RAB22A: variants seen among roughly 807,000 people sequenced by gnomAD.
RAB22A encodes RAB22A, member RAS oncogene family, also known as ras-related protein Rab-22A.
Under a neutral mutation model 30.2 loss-of-function variants are expected in RAB22A, and 13 were observed. That is an observed-to-expected ratio of 0.43 (90% CI 0.28 to 0.68). RAB22A has a LOEUF of 0.68. Among genes scored for constraint, RAB22A ranks in the 30% least tolerant of loss-of-function variants. RAB22A has a pLI of 0.18. For missense variants in RAB22A, 177 were observed against 246.8 expected (o/e 0.72, Z 1.89); for synonymous variants, 89 against 87.2 (o/e 1.02, Z -0.11).
At chr20:58,334,295 A>T (rs1341023444) in intron 2 of RAB22A, among the ~76,000 whole-genome samples, 2 of 151,950 alleles carry the variant, frequency 1.3e-5, no homozygotes, top group African/African-American at 2.4e-5. Flanking sequence ...AGGTGGCACC[A>T]CTGTACTGCA....
In RAB22A at chr20:58,311,065, G is replaced by A; in HGVS notation, c.59G>A (p.Ser20Asn). Residue 20 changes from serine to asparagine, a missense_variant, in exon 2 of 7, where the codon AGT becomes AAT. Transcript: ENST00000244040. ...CAGGATACAGGTGTAGGTAAATCGA[G>A]TATTGTGTGGCGGTTTGTGGAAGAC... ...LLGDTGVGKS[S>N]IVWRFVEDSF... 3.7e-6 allele frequency: 6 copies of A among 1,606,350 alleles called. No individual in the cohort carries two copies. The highest frequency in any genetic ancestry group is 5.1e-6 in the Non-Finnish European group (6 of 1,172,882).
intron 6 of RAB22A, among the ~76,000 whole-genome samples, 181 bp from the exon 7 acceptor site, chr20:58,359,425 A>C (rs1987186627): frequency 6.6e-6 from 1 of 152,106 alleles, no homozygotes; most frequent in African/African-American, 2.4e-5. Context: ...TGGGAGGTAC[A>C]CAGGAGCTCT....
intron 2 of RAB22A, among the ~76,000 whole-genome samples, chr20:58,336,777 A>G (rs561550887): frequency 2.0e-5 from 3 of 152,306 alleles, no homozygotes; most frequent in African/African-American, 7.2e-5. Context: ...TCTGGCCTCC[A>G]GGAGATTCTG....
chr20:58,328,734 A>G lies in RAB22A; in HGVS notation c.117-14984A>G, dbSNP rs780902713. Among the ~76,000 whole-genome samples, 11 of 152,090 alleles carry G rather than the reference A, an allele frequency of 7.2e-5. No individual in the cohort carries two copies. In the South Asian group the frequency reaches 1.5e-3, roughly 20 times the overall value. ...CCTTACTTTAGTCAGGCTTTGATAC[A>G]CTGCTCTGGGCACCATGGCTCCCTT... is the stretch of plus-strand genomic sequence containing the variant. On this transcript the variant is annotated intron_variant, in intron 2 of 6. Coordinates refer to ENST00000244040, the MANE Select transcript of RAB22A (RefSeq NM_020673.3).
At chr20:58,353,687 TAA>T (rs1265740187) in intron 5 of RAB22A, 149 bp downstream of exon 5, 2 of 712,782 alleles carry the variant, frequency 2.8e-6, no homozygotes, top group Admixed American at 6.0e-5. Flanking sequence ...ATTTTTAAAC[TAA>T]AATTAAGATT....
At chr20:58,355,413 A>AT (rs945342353) in intron 6 of RAB22A, among the ~76,000 whole-genome samples, 4 of 152,054 alleles carry the variant, frequency 2.6e-5, no homozygotes, top group African/African-American at 9.7e-5. Context: ...TTGGCCAATC[A>AT]TTTAAGTATT....
chr20:58,329,917 G>T (rs1986634402), intron 2 of RAB22A, among the ~76,000 whole-genome samples: 1 of 152,138 alleles, frequency 6.6e-6, no homozygotes, highest in Non-Finnish European at 1.5e-5. Flanking sequence ...ACATCCAGGG[G>T]TTCCACCAAC....
intron 6 of RAB22A, among the ~76,000 whole-genome samples, chr20:58,354,855 T>C (rs1263528476): frequency 1.3e-5 from 2 of 152,206 alleles, no homozygotes; most frequent in African/African-American, 4.8e-5. Context: ...GTGAAGAAGA[T>C]AGACGCAGCC....
rs768792450 is a variant in RAB22A, at chr20:58,360,022, A to C, written c.*319A>C. On this transcript the variant is annotated 3_prime_UTR_variant, in exon 7 of 7. Coordinates refer to ENST00000244040, the MANE Select transcript of RAB22A (RefSeq NM_020673.3). Reference sequence around the variant, plus strand: ...TAGTTTTGTAATCAAGATTTTATGTAACATTTGTAAAGGGAAAATTAGCAC... The same window carrying C: ...TAGTTTTGTAATCAAGATTTTATGTCACATTTGTAAAGGGAAAATTAGCAC... 2.3e-4 allele frequency: 37 copies of C among 163,402 alleles called. No homozygotes were observed. Among genetic ancestry groups the C allele is most frequent in the Non-Finnish European group, 2.0e-4 (15 of 74,964 alleles). 10.1% of individuals were successfully genotyped at this position (163,402 alleles called of 1,614,324 possible).
At chr20:58,324,572 T>C (rs909063529) in intron 2 of RAB22A, among the ~76,000 whole-genome samples, 14 of 152,156 alleles carry the variant, frequency 9.2e-5, no homozygotes, top group African/African-American at 3.1e-4. Flanking sequence ...GTATTCCTTG[T>C]ATCTTAAAAC....
intron 2 of RAB22A, among the ~76,000 whole-genome samples, chr20:58,336,813 C>G (rs1173914445): frequency 6.6e-6 from 1 of 152,128 alleles, no homozygotes; most frequent in African/African-American, 2.4e-5. Flanking sequence ...GGCCTCACAC[C>G]AAGGAGGCAC....
intron 3 of RAB22A, among the ~76,000 whole-genome samples, chr20:58,351,907 A>G (rs1008717968): frequency 1.3e-5 from 2 of 152,264 alleles, no homozygotes; most frequent in African/African-American, 4.8e-5. Flanking sequence ...AAGGTTGTCA[A>G]AAATCAGGAC....
chr20:58,343,157 G>A (rs1986885738), intron 2 of RAB22A, among the ~76,000 whole-genome samples: 1 of 152,114 alleles, frequency 6.6e-6, no homozygotes, highest in Non-Finnish European at 1.5e-5. Flanking sequence ...GTGGTCGTCA[G>A]GGGCACTGAT....
chr20:58,345,823 A>C (rs972547416), intron 3 of RAB22A: 19 of 151,346 alleles, frequency 1.3e-4, no homozygotes, highest in African/African-American at 4.4e-4. Flanking sequence ...CTCTATTTTC[A>C]CCTCCTCCCA....
intron 2 of RAB22A, among the ~76,000 whole-genome samples, chr20:58,333,276 C>CATAAATAA (rs58194504): frequency 0.077 from 11,023 of 143,654 alleles, 599 homozygotes; most frequent in African/African-American, 0.15. Flanking sequence ...GAGACTCCAT[C>CATAAATAA]ATAAATAAAT....
At chr20:58,335,464 T>G (rs949843323) in intron 2 of RAB22A, among the ~76,000 whole-genome samples, 4 of 152,208 alleles carry the variant, frequency 2.6e-5, no homozygotes, top group East Asian at 1.9e-4. Context: ...CTTGATATAC[T>G]TAGGTTGGAT....
intron 2 of RAB22A, among the ~76,000 whole-genome samples, chr20:58,334,307 C>T (rs1456901495): frequency 6.6e-6 from 1 of 151,286 alleles, no homozygotes; most frequent in Non-Finnish European, 1.5e-5. Flanking sequence ...TGTACTGCAG[C>T]CTGGGCGACA....
At chr20:58,328,607 G>A (rs897275477) in intron 2 of RAB22A, among the ~76,000 whole-genome samples, 1 of 152,090 alleles carries the variant, frequency 6.6e-6, no homozygotes, top group Non-Finnish European at 1.5e-5. Flanking sequence ...GCTATTTGAG[G>A]TTTAAAAAAA....
intron 2 of RAB22A, among the ~76,000 whole-genome samples, chr20:58,331,804 C>T (rs1427726128): frequency 1.3e-5 from 2 of 152,124 alleles, no homozygotes; most frequent in Non-Finnish European, 2.9e-5. Flanking sequence ...TGTGTCTCTT[C>T]CTAGGTGATT....
Sources: gnomAD v4.1 joint callset for allele counts (sites outside exome capture counted in the v4.1 genomes callset) on GRCh38, gnomAD v4.1.1 for gene constraint, MANE v1.5 for transcripts, NCBI Gene and HGNC (gene_info 2026-07-23, HGNC 2026-07-21) for gene names.